TMEM135: variants seen among roughly 807,000 people sequenced by gnomAD.
The protein encoded by TMEM135 is peroxisomal membrane protein 52.
A neutral mutation model predicts 60.3 loss-of-function variants in TMEM135; 30 were observed. The observed-to-expected ratio is 0.50, with a 90% CI of 0.37 to 0.68. The LOEUF (loss-of-function observed/expected upper bound fraction) is 0.68. Ranked by LOEUF, TMEM135 falls within the 30% of genes least tolerant of loss-of-function variation. TMEM135 has a pLI of 0.00. For synonymous variants in TMEM135, 190 were observed against 186.7 expected (o/e 1.02, Z -0.14); for missense variants, 468 against 548.8 (o/e 0.85, Z 1.47).
Position 87,302,576 on chromosome 11 carries a change from T to A in TMEM135, c.698+134T>A, listed in dbSNP as rs572216494. The A allele has an allele frequency of 4.2e-5, 47 of 1,120,004 alleles. No homozygotes were observed. The Admixed American group carries it at 6.5e-4, about 16-fold the overall frequency. 69.4% of individuals were successfully genotyped at this position (1,120,004 alleles called of 1,614,324 possible). On this transcript the variant is annotated intron_variant, in intron 8 of 14. Transcript: ENST00000305494. ...TCACCAGAAACTGTGCATAGAATTT[T>A]ATAAAAGGCACACAATGGCAAGTGA...
intron 8 of TMEM135, among the ~76,000 whole-genome samples, chr11:87,305,663 A>G (rs888833035): frequency 6.6e-6 from 1 of 152,010 alleles, no homozygotes; most frequent in Non-Finnish European, 1.5e-5. Flanking sequence ...AATCCCAGCT[A>G]CTCGGGAGGC....
chr11:87,207,412 G>A (rs1007485548), intron 5 of TMEM135, among the ~76,000 whole-genome samples: 7 of 152,024 alleles, frequency 4.6e-5, no homozygotes, highest in African/African-American at 1.5e-4. Flanking sequence ...AATCATTTTA[G>A]TAGAGTTTTC....
intron 5 of TMEM135, among the ~76,000 whole-genome samples, chr11:87,193,792 T>C (rs757979719): frequency 2.4e-4 from 35 of 148,710 alleles, no homozygotes; most frequent in Non-Finnish European, 2.8e-4. Context: ...TATAAACATA[T>C]ATATTTGTAT....
chr11:87,110,262 G>A (rs1329887282), intron 4 of TMEM135, among the ~76,000 whole-genome samples: 1 of 152,118 alleles, frequency 6.6e-6, no homozygotes, highest in Non-Finnish European at 1.5e-5. Context: ...ACACAGTAAA[G>A]TGGTTAAGAA....
intron 6 of TMEM135, among the ~76,000 whole-genome samples, chr11:87,289,504 A>T (rs111320650): frequency 2.1e-3 from 259 of 125,780 alleles, no homozygotes; most frequent in African/African-American, 7.9e-3. Context: ...GCTGGAGTGC[A>T]GTGGTGCAGT....
rs1340565172 is a variant in TMEM135, at chr11:87,205,577, A to C, written c.463-31061A>C. Among the ~76,000 whole-genome samples the C allele has an allele frequency of 2.0e-5, 3 of 152,148 alleles. No homozygotes were observed. The East Asian group carries it at 5.8e-4, about 29-fold the overall frequency. On this transcript the variant is annotated intron_variant, in intron 5 of 14. Transcript: ENST00000305494. ...TTTTGTAGAGAGACATAATTATACC[A>C]GTTTATGTGAAACTTTGATACTCTT...
rs571773446 is a variant in TMEM135 at position 87,191,910 on chromosome 11, T to G, written c.462+34504T>G. On this transcript the variant is annotated intron_variant, in intron 5 of 14. Coordinates refer to ENST00000305494, the MANE Select transcript of TMEM135 (RefSeq NM_022918.4). ...AGTATGCTAGCATTCTCCTGAGAAGTCATCTGGACGTGGGGCATTTTTTTG... is the reference window on the plus strand; with the variant it reads ...AGTATGCTAGCATTCTCCTGAGAAGGCATCTGGACGTGGGGCATTTTTTTG... 4.6e-5 allele frequency among the ~76,000 whole-genome samples: 7 copies of G among 151,996 alleles called. No individual in the cohort carries two copies. The East Asian group carries it at 1.4e-3, about 29-fold the overall frequency.
At chr11:87,242,154 A>G (rs1433211597) in intron 6 of TMEM135, among the ~76,000 whole-genome samples, 2 of 151,092 alleles carry the variant, frequency 1.3e-5, no homozygotes, top group African/African-American at 4.9e-5. Context: ...TTCCAATTTC[A>G]TCCATGTCCC....
intron 6 of TMEM135, among the ~76,000 whole-genome samples, chr11:87,261,438 C>CA (rs1941650055): frequency 1.3e-5 from 2 of 151,918 alleles, no homozygotes; most frequent in East Asian, 1.9e-4. Flanking sequence ...ATGTGTGAAA[C>CA]AAAAAAATTA....
chr11:87,167,030 TA>T (rs1452172575), intron 5 of TMEM135, among the ~76,000 whole-genome samples: 1 of 152,182 alleles, frequency 6.6e-6, no homozygotes, highest in Non-Finnish European at 1.5e-5. Context: ...TTATCCCTTG[TA>T]AGTTGTATTC....
rs1942915201 is a variant in TMEM135 at position 87,326,554 on chromosome 11, A to G, written c.*5221A>G. The G allele has an allele frequency of 4.4e-6, 2 of 453,986 alleles. No homozygotes were observed. The highest frequency in any genetic ancestry group is 2.0e-5 in the African/African-American group (1 of 50,000). 28.1% of individuals were successfully genotyped at this position (453,986 alleles called of 1,614,324 possible). On this transcript the variant is annotated 3_prime_UTR_variant, in exon 15 of 15. Transcript: ENST00000305494. ...GTTGGTCATTATGGGATTGGATGCC[A>G]AAAGGAATGGGAGAGAAGAGACTAT...
rs552692755 is a variant in TMEM135, at chr11:87,047,081, C to G, written c.141+8895C>G. Among the ~76,000 whole-genome samples, 8 of 152,276 alleles carry G rather than the reference C, an allele frequency of 5.3e-5. No homozygotes were observed. In the South Asian group the frequency reaches 1.5e-3, roughly 28 times the overall value. On this transcript the variant is annotated intron_variant, in intron 1 of 14. Coordinates refer to ENST00000305494, the MANE Select transcript of TMEM135 (RefSeq NM_022918.4). Reference sequence around the variant, plus strand: ...TTCCAATGCAATACAATGTGAAATCCTCACCATGGCCTTCAGAGCCTTATG... The same window carrying G: ...TTCCAATGCAATACAATGTGAAATCGTCACCATGGCCTTCAGAGCCTTATG...
At chr11:87,111,035 G>A (rs2124579) in intron 4 of TMEM135, among the ~76,000 whole-genome samples, 102,461 of 151,986 alleles carry the variant, frequency 0.67, 35,773 homozygotes, top group East Asian at 0.88. Flanking sequence ...GCATTCTTTC[G>A]CTAACTGTAG....
chr11:87,269,706 G>A (rs1941827549), intron 6 of TMEM135, among the ~76,000 whole-genome samples: 1 of 151,090 alleles, frequency 6.6e-6, no homozygotes, highest in Non-Finnish European at 1.5e-5. Context: ...AGTATTCCAT[G>A]GTGTATATGT....
At chr11:87,156,397 T>C (rs1938696723) in intron 4 of TMEM135, among the ~76,000 whole-genome samples, 1 of 152,176 alleles carries the variant, frequency 6.6e-6, no homozygotes, top group Non-Finnish European at 1.5e-5. Context: ...TTCTGCAACA[T>C]GTGCCATTGG....
At chr11:87,101,203 T>C (rs751401724) in intron 4 of TMEM135, among the ~76,000 whole-genome samples, 1 of 152,184 alleles carries the variant, frequency 6.6e-6, no homozygotes, top group Non-Finnish European at 1.5e-5. Context: ...TCTAAAATTA[T>C]GAAAAAATTT....
chr11:87,326,928 T>C lies in TMEM135; in HGVS notation c.*5595T>C, dbSNP rs77953086. 5.5e-3 allele frequency: 2,370 copies of C among 433,408 alleles called. 7 individuals are homozygous for C. The highest frequency in any genetic ancestry group is 0.011 in the Middle Eastern group (14 of 1,288). 26.8% of individuals were successfully genotyped at this position (433,408 alleles called of 1,614,324 possible). A position where few individuals can be genotyped will look rare whatever the true frequency, so the allele number is the denominator to read the frequency against. ...CTGAGGACCTTTTTTTTTTTTTTTT[T>C]TTCACTAAAACGCTTCCTATAACTT... On this transcript the variant is annotated 3_prime_UTR_variant, in exon 15 of 15. Coordinates refer to ENST00000305494, the MANE Select transcript of TMEM135 (RefSeq NM_022918.4).
rs574498635 is a variant in TMEM135 at position 87,208,359 on chromosome 11, T to C, written c.463-28279T>C. On this transcript the variant is annotated intron_variant, in intron 5 of 14. Coordinates refer to ENST00000305494, the MANE Select transcript of TMEM135 (RefSeq NM_022918.4). ...AGATTTGAAGACTACATAACCATTT[T>C]AAGAATAAAACAAACTGAACTTCTA... Among the ~76,000 whole-genome samples the C allele has an allele frequency of 7.2e-5, 11 of 152,236 alleles. No homozygotes were observed. The South Asian group carries it at 2.3e-3, about 32-fold the overall frequency.
chr11:87,205,392 C>T (rs185610240), intron 5 of TMEM135, among the ~76,000 whole-genome samples: 14 of 152,248 alleles, frequency 9.2e-5, no homozygotes, highest in Non-Finnish European at 1.6e-4. Context: ...AAAGACATAT[C>T]TCTCATTAGT....
Sources: gnomAD v4.1 joint callset for allele counts (sites outside exome capture counted in the v4.1 genomes callset) on GRCh38, gnomAD v4.1.1 for gene constraint, MANE v1.5 for transcripts, NCBI Gene and HGNC (gene_info 2026-07-23, HGNC 2026-07-21) for gene names.